Variants in ANKRD31 observed in about 807,000 individuals in gnomAD.
The protein encoded by ANKRD31 is ankyrin repeat domain-containing protein 31.
A neutral mutation model predicts 186.0 loss-of-function variants in ANKRD31; 147 were observed. That is an observed-to-expected ratio of 0.79 (90% CI 0.69 to 0.91). ANKRD31 has a LOEUF of 0.91. Ranked by LOEUF, ANKRD31 falls within the 40% of genes least tolerant of loss-of-function variation. The probability of loss-of-function intolerance (pLI) is 0.00; values close to 1 mark genes in which losing one functional copy is unlikely to be tolerated. For missense variants in ANKRD31, 1,986 were observed against 2,148.8 expected (o/e 0.92, Z 1.50); for synonymous variants, 673 against 736.4 (o/e 0.91, Z 1.39).
intron 17 of ANKRD31, among the ~76,000 whole-genome samples, chr5:75,131,018 T>C (rs1749756143): frequency 1.3e-5 from 2 of 152,190 alleles, no homozygotes; most frequent in South Asian, 2.1e-4. Flanking sequence ...CGGTGGTCCA[T>C]GCACGGGACC....
intron 17 of ANKRD31, among the ~76,000 whole-genome samples, chr5:75,134,427 A>C (rs1432921621): frequency 6.6e-6 from 1 of 152,216 alleles, no homozygotes; most frequent in East Asian, 1.9e-4. Context: ...AAATGGATAA[A>C]TTCCTCGACA....
intron 17 of ANKRD31, among the ~76,000 whole-genome samples, chr5:75,122,212 T>G (rs1289696037): frequency 6.6e-6 from 1 of 150,864 alleles, no homozygotes; most frequent in African/African-American, 2.4e-5. Context: ...AATGGATAAA[T>G]TCCTGGAAAC....
At chr5:75,176,053 A>C (rs142301396) in intron 10 of ANKRD31, among the ~76,000 whole-genome samples, 1,869 of 152,274 alleles carry the variant, frequency 0.012, 22 homozygotes, top group Non-Finnish European at 0.018. Context: ...CGCTTTTCCA[A>C]CAGGCTTAAC....
chr5:75,225,205 A>G (rs1007924211), intron 2 of ANKRD31, among the ~76,000 whole-genome samples: 4 of 152,234 alleles, frequency 2.6e-5, no homozygotes, highest in Non-Finnish European at 5.9e-5. Flanking sequence ...AGGCAAAGGT[A>G]TAAGTATTAA....
intron 5 of ANKRD31, among the ~76,000 whole-genome samples, chr5:75,205,459 A>G (rs983559362): frequency 1.3e-5 from 2 of 152,148 alleles, no homozygotes; most frequent in African/African-American, 4.8e-5. Flanking sequence ...TCATCCTGAT[A>G]TTGTCATGCT....
At chr5:75,187,430 G>A (rs1754813714) in intron 10 of ANKRD31, among the ~76,000 whole-genome samples, 1 of 151,700 alleles carries the variant, frequency 6.6e-6, no homozygotes, top group African/African-American at 2.4e-5. Context: ...GAAGGGAACA[G>A]CCACTGAGAA....
At chr5:75,071,726 G>C (rs1744244684) in intron 25 of ANKRD31, among the ~76,000 whole-genome samples, 1 of 151,990 alleles carries the variant, frequency 6.6e-6, no homozygotes, top group African/African-American at 2.4e-5. Flanking sequence ...TTGAACTCCT[G>C]ACCTCAGGTG....
At chr5:75,083,370 C>G (rs1745227349) in intron 24 of ANKRD31, among the ~76,000 whole-genome samples, 1 of 152,104 alleles carries the variant, frequency 6.6e-6, no homozygotes, top group Non-Finnish European at 1.5e-5. Flanking sequence ...GAATTGAAAC[C>G]AGGTGCTCAA....
intron 3 of ANKRD31, among the ~76,000 whole-genome samples, chr5:75,216,864 G>A (rs1242441977): frequency 6.6e-6 from 1 of 152,106 alleles, no homozygotes; most frequent in Non-Finnish European, 1.5e-5. Flanking sequence ...GGTGTTCAGT[G>A]CTATAAATCT....
intron 22 of ANKRD31, among the ~76,000 whole-genome samples, chr5:75,095,409 G>A (rs1746242088): frequency 2.0e-5 from 3 of 152,152 alleles, no homozygotes; most frequent in African/African-American, 7.2e-5. Context: ...GGCAGGCAGA[G>A]CTTGCAGTGA....
chr5:75,115,374 A>G (rs1028153259), intron 19 of ANKRD31, among the ~76,000 whole-genome samples: 24 of 152,342 alleles, frequency 1.6e-4, no homozygotes, highest in African/African-American at 5.1e-4. Flanking sequence ...TAAAACACCA[A>G]AAGCAATGGC....
intron 10 of ANKRD31, among the ~76,000 whole-genome samples, chr5:75,183,918 C>T (rs1451531951): frequency 1.3e-5 from 2 of 152,046 alleles, no homozygotes; most frequent in Non-Finnish European, 2.9e-5. Flanking sequence ...CCCTAAAATT[C>T]ATGTAGAACC....
At chr5:75,168,911 G>T (rs879397312) in intron 11 of ANKRD31, 68 bp downstream of exon 11, 154 of 1,343,020 alleles carry the variant, frequency 1.1e-4, no homozygotes, top group Non-Finnish European at 1.5e-4. Context: ...TTTCTATTGT[G>T]TGGTCCCAGA....
intron 10 of ANKRD31, among the ~76,000 whole-genome samples, chr5:75,178,385 C>T (rs570001550): frequency 2.0e-4 from 31 of 152,140 alleles, no homozygotes; most frequent in South Asian, 2.1e-4. Flanking sequence ...CAAGCAGACC[C>T]AATAGACATC....
intron 25 of ANKRD31, among the ~76,000 whole-genome samples, chr5:75,078,675 C>G (rs138809418): frequency 1.3e-5 from 2 of 151,960 alleles, no homozygotes; most frequent in African/African-American, 4.8e-5. Context: ...AATAATGAAA[C>G]GTGATCTATC....
intron 17 of ANKRD31, among the ~76,000 whole-genome samples, chr5:75,134,186 G>C (rs12452061): frequency 9.0e-4 from 135 of 150,566 alleles, no homozygotes; most frequent in Non-Finnish European, 1.4e-3. Flanking sequence ...GAAGGAGATA[G>C]AGACACAAAA....
intron 11 of ANKRD31, 136 bp from the exon 12 acceptor site, chr5:75,154,481 C>A: frequency 3.8e-6 from 3 of 795,942 alleles, no homozygotes; most frequent in Non-Finnish European, 3.4e-6. Context: ...AATCCTTGTC[C>A]AATAAAAAAA....
chr5:75,172,607 C>T (rs1753427952), intron 10 of ANKRD31, among the ~76,000 whole-genome samples: 1 of 152,132 alleles, frequency 6.6e-6, no homozygotes. Flanking sequence ...ATACTATAAA[C>T]ACCTCTACGC....
At chr5:75,199,055 A>C (rs533903415) in intron 6 of ANKRD31, among the ~76,000 whole-genome samples, 1 of 152,288 alleles carries the variant, frequency 6.6e-6, no homozygotes, top group South Asian at 2.1e-4. Flanking sequence ...TTAAAAGAAA[A>C]AAATCAGCTG....
Sources: gnomAD v4.1 joint callset for allele counts (sites outside exome capture counted in the v4.1 genomes callset) on GRCh38, gnomAD v4.1.1 for gene constraint, MANE v1.5 for transcripts, NCBI Gene and HGNC (gene_info 2026-07-23, HGNC 2026-07-21) for gene names.